Variants in CTNND2 observed in about 807,000 individuals in gnomAD.
CTNND2 encodes the protein catenin delta-2.
CTNND2 carries 22 observed loss-of-function variants against 144.4 expected under a neutral mutation model. That is an observed-to-expected ratio of 0.15 (90% CI 0.11 to 0.22). CTNND2 has a LOEUF of 0.22. Ranked by LOEUF, CTNND2 falls within the 10% of genes least tolerant of loss-of-function variation. The pLI is 1.00. For missense variants in CTNND2, 1,353 were observed against 1,618.8 expected (o/e 0.84, Z 2.82); for synonymous variants, 751 against 695.6 (o/e 1.08, Z -1.25).
intron 3 of CTNND2, among the ~76,000 whole-genome samples, chr5:11,496,645 T>C (rs1008017601): frequency 1.6e-4 from 25 of 152,164 alleles, no homozygotes; most frequent in African/African-American, 5.8e-4. Context: ...GAATCCCTCA[T>C]TACTGTCAGT....
intron 9 of CTNND2, among the ~76,000 whole-genome samples, chr5:11,308,351 C>T (rs1471517854): frequency 1.3e-5 from 2 of 151,998 alleles, no homozygotes; most frequent in Admixed American, 6.6e-5. Flanking sequence ...ATATTTTAGG[C>T]TTTGGAAACA....
At chr5:11,844,454 T>C (rs1017044603) in intron 1 of CTNND2, among the ~76,000 whole-genome samples, 1 of 152,094 alleles carries the variant, frequency 6.6e-6, no homozygotes, top group Non-Finnish European at 1.5e-5. Context: ...ATGCAACCTC[T>C]AAAGCCAAAT....
At chr5:11,713,925 T>A (rs1000987919) in intron 2 of CTNND2, among the ~76,000 whole-genome samples, 3 of 147,360 alleles carry the variant, frequency 2.0e-5, no homozygotes, top group African/African-American at 7.8e-5. Context: ...CATAGGACAC[T>A]GGGGACAGCA....
chr5:11,668,361 C>T (rs184532537), intron 2 of CTNND2, among the ~76,000 whole-genome samples: 18 of 152,240 alleles, frequency 1.2e-4, no homozygotes, highest in African/African-American at 4.3e-4. Flanking sequence ...GGGCAGTATG[C>T]CCATTTTCAC....
intron 3 of CTNND2, among the ~76,000 whole-genome samples, chr5:11,433,300 A>G (rs1419690976): frequency 2.0e-5 from 3 of 152,276 alleles, no homozygotes; most frequent in Admixed American, 6.5e-5. Flanking sequence ...CAAGTGCTCT[A>G]TATCATTGGT....
intron 9 of CTNND2, among the ~76,000 whole-genome samples, chr5:11,295,638 T>C (rs1234478997): frequency 6.6e-6 from 1 of 152,056 alleles, no homozygotes; most frequent in East Asian, 1.9e-4. Flanking sequence ...AACAGAGATA[T>C]AGACAAATGG....
intron 1 of CTNND2, among the ~76,000 whole-genome samples, chr5:11,886,600 T>C (rs1395860907): frequency 6.6e-6 from 1 of 152,154 alleles, no homozygotes; most frequent in African/African-American, 2.4e-5. Flanking sequence ...AAAGTATGGT[T>C]TATATAAAAT....
At chr5:11,290,707 GATCTCTGAAGTCA>G (rs1320581414) in intron 9 of CTNND2, among the ~76,000 whole-genome samples, 4 of 152,156 alleles carry the variant, frequency 2.6e-5, no homozygotes, top group Non-Finnish European at 4.4e-5. Flanking sequence ...CCTTTTAAAT[GATCTCTGAAGTCA>G]ACTTGGTGCT....
At chr5:11,484,046 C>A (rs896413488) in intron 3 of CTNND2, among the ~76,000 whole-genome samples, 1 of 152,120 alleles carries the variant, frequency 6.6e-6, no homozygotes, top group African/African-American at 2.4e-5. Flanking sequence ...CAAGCTGGCT[C>A]CCCCCAGCCA....
At chr5:11,276,943 A>G (rs1209782536) in intron 9 of CTNND2, among the ~76,000 whole-genome samples, 3 of 152,338 alleles carry the variant, frequency 2.0e-5, no homozygotes, top group East Asian at 3.9e-4. Context: ...GGGCCTGCTG[A>G]TTTCTCGATT....
At chr5:11,589,647 AT>A (rs1561596875) in intron 2 of CTNND2, among the ~76,000 whole-genome samples, 1 of 152,142 alleles carries the variant, frequency 6.6e-6, no homozygotes, top group Non-Finnish European at 1.5e-5. Flanking sequence ...ACTCCTAGCT[AT>A]TATAGTACCT....
At chr5:11,073,403 G>T (rs995383800) in intron 16 of CTNND2, among the ~76,000 whole-genome samples, 1 of 152,218 alleles carries the variant, frequency 6.6e-6, no homozygotes, top group African/African-American at 2.4e-5. Context: ...TCCAAATAAA[G>T]TTAGGTCGGC....
At chr5:11,503,574 T>C (rs1279023953) in intron 3 of CTNND2, among the ~76,000 whole-genome samples, 1 of 152,226 alleles carries the variant, frequency 6.6e-6, no homozygotes. Context: ...AGGTATCTTA[T>C]GATATTGTTT....
chr5:11,126,890 T>C (rs971010337), intron 12 of CTNND2, among the ~76,000 whole-genome samples: 5 of 152,198 alleles, frequency 3.3e-5, no homozygotes, highest in African/African-American at 1.2e-4. Context: ...TAAACATGTT[T>C]CCAGCAAAAA....
At chr5:11,067,235 A>G (rs755712314) in intron 16 of CTNND2, among the ~76,000 whole-genome samples, 3 of 152,258 alleles carry the variant, frequency 2.0e-5, no homozygotes, top group Non-Finnish European at 4.4e-5. Flanking sequence ...ATAGTGTTTA[A>G]GAAGTGATAC....
chr5:11,588,274 T>C (rs1005137005), intron 2 of CTNND2, among the ~76,000 whole-genome samples: 2 of 151,962 alleles, frequency 1.3e-5, no homozygotes, highest in Non-Finnish European at 2.9e-5. Context: ...CCATGAATAA[T>C]TTCTTTCTGG....
chr5:11,021,179 A>C (rs1200957874), intron 17 of CTNND2, among the ~76,000 whole-genome samples: 1 of 152,158 alleles, frequency 6.6e-6, no homozygotes, highest in African/African-American at 2.4e-5. Flanking sequence ...CTTTAGGCCC[A>C]TTTAGTGATG....
chr5:11,021,054 G>A (rs1036002534), intron 17 of CTNND2, among the ~76,000 whole-genome samples: 2 of 152,150 alleles, frequency 1.3e-5, no homozygotes, highest in African/African-American at 4.8e-5. Context: ...TTTATAGATG[G>A]TTTCTTCAAG....
chr5:11,315,539 A>G (rs1751390201), intron 9 of CTNND2, among the ~76,000 whole-genome samples: 1 of 152,248 alleles, frequency 6.6e-6, no homozygotes, highest in Admixed American at 6.5e-5. Context: ...AAGGTAAATT[A>G]ACATATAAAT....
Sources: allele counts gnomAD v4.1 joint callset (sites outside exome capture counted in the v4.1 genomes callset), GRCh38; gene constraint gnomAD v4.1.1; transcripts MANE v1.5; gene names NCBI Gene and HGNC (gene_info 2026-07-23, HGNC 2026-07-21).